Variants in PTPRG observed in about 807,000 individuals in gnomAD.
PTPRG encodes protein tyrosine phosphatase receptor type G.
In PTPRG, 102 loss-of-function variants were observed where a neutral mutation model predicts 165.3. That is an observed-to-expected ratio of 0.62 (90% confidence interval 0.53 to 0.73). The LOEUF (loss-of-function observed/expected upper bound fraction) is 0.73, where lower values mean the gene tolerates loss of function less well. Ranked by LOEUF, PTPRG falls within the 30% of genes least tolerant of loss-of-function variation. PTPRG has a pLI of 0.00. For missense variants in PTPRG, 1,866 were observed against 1,861.4 expected, an observed-to-expected ratio of 1.00 and a Z score of -0.05; for synonymous variants, 675 against 669.5, an observed-to-expected ratio of 1.01 and a Z score of -0.13.
At chr3:61,928,266 G>A (rs1276512070) in intron 2 of PTPRG, among the ~76,000 whole-genome samples, 1 of 152,128 alleles carries the variant, frequency 6.6e-6, no homozygotes, top group Non-Finnish European at 1.5e-5. Context: ...CCTTGTAAGT[G>A]TGAAATACAG....
Position 62,255,103 on chromosome 3 carries a change from A to G in PTPRG, c.2468-21A>G, listed in dbSNP as rs1264963004. 1 of 1,589,050 alleles carries G rather than the reference A, an allele frequency of 6.3e-7. No individual in the cohort carries two copies. The highest frequency in any genetic ancestry group is 2.2e-5 in the East Asian group (1 of 44,464). On this transcript the variant is annotated intron_variant, in intron 15 of 29. Transcript: ENST00000474889. This position sits in a 1 kb window ranked among gnomAD's most constrained non-coding sequence, Gnocchi z 4.0. ...ATGGAAGTATTCTATGTAACTTTGA[A>G]TATTATTTTATTCCCCCCAGATGAC...
chr3:61,929,788 G>C (rs753377984), intron 2 of PTPRG, among the ~76,000 whole-genome samples: 1 of 152,170 alleles, frequency 6.6e-6, no homozygotes, highest in Non-Finnish European at 1.5e-5. Flanking sequence ...TCTTTCTAAC[G>C]TGTCAGCCTT....
At chr3:62,020,283 T>C (rs2041659220) in intron 4 of PTPRG, among the ~76,000 whole-genome samples, 1 of 152,230 alleles carries the variant, frequency 6.6e-6, no homozygotes, top group African/African-American at 2.4e-5. Flanking sequence ...TGCTGCATTC[T>C]ACAGATTTTT....
intron 13 of PTPRG, among the ~76,000 whole-genome samples, chr3:62,230,162 C>T (rs1461985190): frequency 6.6e-6 from 1 of 152,148 alleles, no homozygotes; most frequent in African/African-American, 2.4e-5. Context: ...TTGACTTCTC[C>T]AAGTTTTGGT....
chr3:62,184,649 A>G lies in PTPRG; in HGVS notation c.1034-6820A>G, dbSNP rs575964748. 4.6e-5 allele frequency among the ~76,000 whole-genome samples: 7 copies of G among 152,278 alleles called. No homozygotes were observed. In the South Asian group the frequency reaches 1.4e-3, roughly 32 times the overall value. On this transcript the variant is annotated intron_variant, in intron 8 of 29. Transcript: ENST00000474889. The stretch of plus-strand genomic sequence containing the variant: ...TCCCCACCAGGGCCAGGCAGTCCCC[A>G]AGAAACAGGCATCTCCCCCACGGTC...
At chr3:62,235,805 C>T (rs1458883954) in intron 14 of PTPRG, among the ~76,000 whole-genome samples, 1 of 152,162 alleles carries the variant, frequency 6.6e-6, no homozygotes, top group African/African-American at 2.4e-5. Flanking sequence ...CTCTTTCACA[C>T]CCCATCCATC....
rs564615875 is a variant in PTPRG, at chr3:61,887,869, C to G, written c.191-101756C>G. ...TGCTGAGGTCACATTCCTGGAAATG[C>G]AAAGATATTAGAGGAACATTACTTA... On this transcript the variant is annotated intron_variant, in intron 2 of 29. Transcript: ENST00000474889. Among the ~76,000 whole-genome samples, 6 of 152,116 alleles carry G rather than the reference C, an allele frequency of 3.9e-5. No homozygotes were observed. In the East Asian group the frequency reaches 1.2e-3, roughly 29 times the overall value.
chr3:62,283,881 A>G (rs1457759729), intron 28 of PTPRG, among the ~76,000 whole-genome samples: 1 of 152,112 alleles, frequency 6.6e-6, no homozygotes, highest in African/African-American at 2.4e-5. Context: ...ACTCTTGATT[A>G]GTAAGGTGAA....
chr3:62,284,757 G>A (rs1702575365), intron 28 of PTPRG, among the ~76,000 whole-genome samples: 1 of 152,026 alleles, frequency 6.6e-6, no homozygotes, highest in African/African-American at 2.4e-5. Context: ...ACATATCAGA[G>A]TTATTTTTGA....
chr3:61,671,733 T>C (rs1702995931), intron 1 of PTPRG, among the ~76,000 whole-genome samples: 1 of 143,598 alleles, frequency 7.0e-6, no homozygotes, highest in African/African-American at 2.6e-5. Context: ...GAGGCGCCCC[T>C]CACCTCCTGG....
chr3:61,959,529 G>T (rs965740333), intron 2 of PTPRG, among the ~76,000 whole-genome samples: 6 of 152,190 alleles, frequency 3.9e-5, no homozygotes, highest in Non-Finnish European at 7.3e-5. Flanking sequence ...ACCGGAGGCG[G>T]AGCTCAGGCA....
intron 1 of PTPRG, among the ~76,000 whole-genome samples, chr3:61,585,390 G>A (rs920141421): frequency 6.6e-5 from 10 of 151,964 alleles, no homozygotes; most frequent in Admixed American, 4.6e-4. Context: ...ACCTCAACAC[G>A]CAGTCTTATG....
Position 62,074,948 on chromosome 3 carries a change from A to G in PTPRG, c.520-3215A>G, listed in dbSNP as rs545366777. On this transcript the variant is annotated intron_variant, in intron 4 of 29. Coordinates refer to ENST00000474889, the MANE Select transcript of PTPRG (RefSeq NM_002841.4). ...GTATGTTTCAATTCACGCATGTCCAATTCACTCAGCAAAACCTCATCTACT... is the reference window on the plus strand; with the variant it reads ...GTATGTTTCAATTCACGCATGTCCAGTTCACTCAGCAAAACCTCATCTACT... Among the ~76,000 whole-genome samples, 24 of 152,302 alleles carry G rather than the reference A, an allele frequency of 1.6e-4. 1 individual carries two copies. The South Asian group carries it at 4.4e-3, about 28-fold the overall frequency.
intron 28 of PTPRG, among the ~76,000 whole-genome samples, chr3:62,288,566 G>C (rs111273679): frequency 1.2e-4 from 18 of 151,940 alleles, no homozygotes; most frequent in African/African-American, 3.6e-4. Context: ...CCAGCTACTC[G>C]GGAGGCTGAG....
chr3:62,198,022 T>C (rs944936611), intron 10 of PTPRG, among the ~76,000 whole-genome samples: 3 of 152,214 alleles, frequency 2.0e-5, no homozygotes, highest in African/African-American at 7.2e-5. Flanking sequence ...ATTAGGTTTC[T>C]CAGTAATAAA....
intron 1 of PTPRG, among the ~76,000 whole-genome samples, chr3:61,747,789 A>C (rs1013013902): frequency 6.6e-6 from 1 of 151,722 alleles, no homozygotes; most frequent in African/African-American, 2.4e-5. Flanking sequence ...AACTTTCTTA[A>C]ATTTTTTTTT....
rs753995594 is a variant in PTPRG, at chr3:62,132,658, C to T, written c.672C>T (p.Val224=). 6.2e-5 allele frequency: 100 copies of T among 1,610,236 alleles called. No homozygotes were observed. Among genetic ancestry groups the T allele is most frequent in the Admixed American group, 1.2e-4 (7 of 59,996 alleles). The change falls in exon 6 of 30, where the codon GTC becomes GTT. Residue 224 remains valine (V), a synonymous_variant. Coordinates refer to ENST00000474889, the MANE Select transcript of PTPRG (RefSeq NM_002841.4). ...CTATTATCCACGGGTTGAAGGGTGTCGTACATCATGGTAAGTATGCCACAT... is the reference window on the plus strand; with the variant it reads ...CTATTATCCACGGGTTGAAGGGTGTTGTACATCATGGTAAGTATGCCACAT... The part of the protein sequence containing the change: ...LDPIIHGLKG[V]VHHEKETFLD...
In PTPRG at chr3:61,563,607, C is replaced by T. The variant is rs545765108; in HGVS notation, c.85+1235C>T. Among the ~76,000 whole-genome samples, 27 of 152,318 alleles carry T rather than the reference C, an allele frequency of 1.8e-4. No individual in the cohort carries two copies. The East Asian group carries it at 3.9e-3, about 22-fold the overall frequency. ...GACAGAGAATTCCCCGTTTTTCTGC[C>T]CTCTCATCCATCAACTCCTGCATAC... On this transcript the variant is annotated intron_variant, in intron 1 of 29. Coordinates refer to ENST00000474889, the MANE Select transcript of PTPRG (RefSeq NM_002841.4).
chr3:62,227,370 T>C (rs1257235268), intron 13 of PTPRG, among the ~76,000 whole-genome samples: 2 of 152,232 alleles, frequency 1.3e-5, no homozygotes, highest in Non-Finnish European at 2.9e-5. Context: ...ACTTCTCACA[T>C]ACAGGTAACT....
Sources: allele counts gnomAD v4.1 joint callset (sites outside exome capture counted in the v4.1 genomes callset), GRCh38; gene constraint gnomAD v4.1.1; non-coding constraint Gnocchi (gnomAD v3.1); transcripts MANE v1.5; gene names NCBI Gene and HGNC (gene_info 2026-07-23, HGNC 2026-07-21).